Variants in CAMTA1 observed in about 807,000 individuals in gnomAD.
The protein encoded by CAMTA1 is calmodulin-binding transcription activator 1.
A neutral mutation model predicts 170.9 loss-of-function variants in CAMTA1; 27 were observed. That is an observed-to-expected ratio of 0.16 (90% CI 0.12 to 0.22). The LOEUF (loss-of-function observed/expected upper bound fraction) is 0.22, where lower values mean the gene tolerates loss of function less well. CAMTA1 is among the 10% of genes least tolerant of loss of function. The probability of loss-of-function intolerance (pLI) is 1.00; values close to 1 mark genes in which losing one functional copy is unlikely to be tolerated. For synonymous variants in CAMTA1, 833 were observed against 891.5 expected (o/e 0.93, Z 1.17); for missense variants, 1,619 against 2,217.2 (o/e 0.73, Z 5.42).
At chr1:7,171,165 C>T (rs182403495) in intron 4 of CAMTA1, among the ~76,000 whole-genome samples, 5 of 152,292 alleles carry the variant, frequency 3.3e-5, no homozygotes, top group Admixed American at 2.6e-4. Context: ...TCTCCTGGAA[C>T]GTGAGGAAAA....
At chr1:7,546,724 T>C (rs976010901) in intron 6 of CAMTA1, among the ~76,000 whole-genome samples, 11 of 152,366 alleles carry the variant, frequency 7.2e-5, no homozygotes, top group African/African-American at 2.6e-4. Flanking sequence ...TATCTCATTG[T>C]GGTTTTGATT....
intron 3 of CAMTA1, among the ~76,000 whole-genome samples, chr1:6,902,130 G>A (rs1487376132): frequency 6.6e-6 from 1 of 151,290 alleles, no homozygotes; most frequent in Admixed American, 6.6e-5. Context: ...GAATGCTACA[G>A]CCACTTTGGA....
intron 3 of CAMTA1, among the ~76,000 whole-genome samples, chr1:7,079,922 A>G (rs1409937733): frequency 6.6e-6 from 1 of 152,250 alleles, no homozygotes; most frequent in African/African-American, 2.4e-5. Context: ...ACAGTCTGTC[A>G]GTGTAAAATT....
intron 7 of CAMTA1, among the ~76,000 whole-genome samples, chr1:7,654,565 TAC>T (rs1263529319): frequency 5.6e-4 from 74 of 131,914 alleles, no homozygotes; most frequent in African/African-American, 1.9e-3. Flanking sequence ...CACACACCTA[TAC>T]ACACACACCT....
At chr1:7,027,774 A>T (rs981798155) in intron 3 of CAMTA1, among the ~76,000 whole-genome samples, 1 of 152,208 alleles carries the variant, frequency 6.6e-6, no homozygotes, top group Non-Finnish European at 1.5e-5. Context: ...GGATGCAGCC[A>T]TCTGTCTTCC....
intron 3 of CAMTA1, among the ~76,000 whole-genome samples, chr1:7,031,766 C>G (rs1023224602): frequency 6.6e-6 from 1 of 152,086 alleles, no homozygotes; most frequent in Non-Finnish European, 1.5e-5. Flanking sequence ...TGGTGTTGAT[C>G]TCCTGACCTT....
At chr1:6,974,148 A>G (rs1264377639) in intron 3 of CAMTA1, among the ~76,000 whole-genome samples, 2 of 152,170 alleles carry the variant, frequency 1.3e-5, no homozygotes, top group African/African-American at 2.4e-5. Flanking sequence ...GGTTTGTAAT[A>G]TATTGTTCTC....
chr1:7,034,566 G>A (rs1703313350), intron 3 of CAMTA1, among the ~76,000 whole-genome samples: 2 of 152,166 alleles, frequency 1.3e-5, no homozygotes, highest in Admixed American at 1.3e-4. Flanking sequence ...GCACAGCTCT[G>A]GAGTTCTCTG....
At chr1:7,320,649 G>GTTTTTTTTTTTT (rs55683398) in intron 5 of CAMTA1, among the ~76,000 whole-genome samples, 7 of 80,314 alleles carry the variant, frequency 8.7e-5, no homozygotes, top group Admixed American at 2.8e-4. Flanking sequence ...TGCTGTGTGT[G>GTTTTTTTTTTTT]TTTTTTTTTT....
intron 6 of CAMTA1, among the ~76,000 whole-genome samples, chr1:7,543,534 C>A (rs971966668): frequency 9.9e-5 from 15 of 152,174 alleles, no homozygotes; most frequent in African/African-American, 3.6e-4. Flanking sequence ...AGTGGTATTT[C>A]CATTTACAAA....
intron 6 of CAMTA1, among the ~76,000 whole-genome samples, chr1:7,595,038 C>A (rs1049799882): frequency 6.6e-6 from 1 of 152,192 alleles, no homozygotes; most frequent in Admixed American, 6.5e-5. Context: ...GATACCCCAA[C>A]ATCTTAGGTC....
rs143680761 is a variant in CAMTA1, at chr1:7,540,773, A to C, written c.510+72872A>C. 2.7e-3 allele frequency among the ~76,000 whole-genome samples: 403 copies of C among 151,530 alleles called. 3 individuals carry two copies. The highest frequency in any genetic ancestry group is 9.3e-3 in the African/African-American group (385 of 41,356). On this transcript the variant is annotated intron_variant, in intron 6 of 22. Transcript: ENST00000303635. ...GCTTCTGAGAGATAGTTACATAGTCAAAAAAAAAGGTCAAGAAAACTATTG... is the reference window on the plus strand; with the variant it reads ...GCTTCTGAGAGATAGTTACATAGTCCAAAAAAAAGGTCAAGAAAACTATTG...
intron 10 of CAMTA1, among the ~76,000 whole-genome samples, chr1:7,675,660 T>A (rs1196090729): frequency 1.3e-5 from 2 of 152,150 alleles, no homozygotes; most frequent in Admixed American, 6.5e-5. Context: ...GGTGCGCTGA[T>A]GTTGCCTTCG....
chr1:7,023,957 G>A (rs1224848526), intron 3 of CAMTA1, among the ~76,000 whole-genome samples: 3 of 151,472 alleles, frequency 2.0e-5, no homozygotes, highest in Non-Finnish European at 4.4e-5. Context: ...GAATCTGGCG[G>A]GGTGGAGCTT....
chr1:7,118,079 G>A (rs930887529), intron 4 of CAMTA1, among the ~76,000 whole-genome samples: 3 of 152,106 alleles, frequency 2.0e-5, no homozygotes, highest in African/African-American at 4.8e-5. Flanking sequence ...TCATGTGGGC[G>A]GTTTGGGTCT....
chr1:7,147,423 CAA>C (rs59259023), intron 4 of CAMTA1, among the ~76,000 whole-genome samples: 30,498 of 131,020 alleles, frequency 0.23, 3,334 homozygotes, highest in Non-Finnish European at 0.28. Context: ...GACTCCGTCT[CAA>C]AAAAAAAAAA....
intron 3 of CAMTA1, among the ~76,000 whole-genome samples, chr1:7,027,095 C>T (rs973672880): frequency 1.3e-5 from 2 of 152,134 alleles, no homozygotes; most frequent in Non-Finnish European, 2.9e-5. Flanking sequence ...GAAGTCTGTG[C>T]TTCAGGGCTC....
At chr1:7,166,072 T>C (rs1421242267) in intron 4 of CAMTA1, among the ~76,000 whole-genome samples, 5 of 151,946 alleles carry the variant, frequency 3.3e-5, no homozygotes, top group African/African-American at 1.2e-4. Context: ...TTGGATACTC[T>C]CTTTTTTTTT....
intron 4 of CAMTA1, among the ~76,000 whole-genome samples, chr1:7,139,825 G>C (rs1336363165): frequency 6.6e-6 from 1 of 152,124 alleles, no homozygotes; most frequent in Non-Finnish European, 1.5e-5. Flanking sequence ...GCAATGCTTC[G>C]TGACTCAAAT....
Sources: allele counts gnomAD v4.1 joint callset (sites outside exome capture counted in the v4.1 genomes callset), GRCh38; gene constraint gnomAD v4.1.1; transcripts MANE v1.5; gene names NCBI Gene and HGNC (gene_info 2026-07-23, HGNC 2026-07-21).